ALPK2: variants seen among roughly 807,000 people sequenced by gnomAD.
ALPK2 encodes alpha kinase 2, also known as alpha-protein kinase 2.
Under a neutral mutation model 163.1 loss-of-function variants are expected in ALPK2, and 127 were observed. That is an observed-to-expected ratio of 0.78 (90% confidence interval 0.67 to 0.90). ALPK2 has a LOEUF of 0.90. Among genes scored for constraint, ALPK2 ranks in the 40% least tolerant of loss-of-function variants. The probability of loss-of-function intolerance (pLI) is 0.00; values close to 1 mark genes in which losing one functional copy is unlikely to be tolerated. For synonymous variants in ALPK2, 953 were observed against 959.1 expected (o/e 0.99, Z 0.12); for missense variants, 2,360 against 2,589.6 (o/e 0.91, Z 1.92).
chr18:58,523,688 C>A, intron 8 of ALPK2, 118 bp downstream of exon 8: 1 of 1,286,686 alleles, frequency 7.8e-7, no homozygotes, highest in Middle Eastern at 1.9e-4. Flanking sequence ...CACGCCATAG[C>A]TCTCCTTCTC....
At chr18:58,523,155 C>A (rs1426133376) in intron 8 of ALPK2, among the ~76,000 whole-genome samples, 2 of 144,924 alleles carry the variant, frequency 1.4e-5, no homozygotes, top group Admixed American at 1.4e-4. Context: ...TGAGTGAGAA[C>A]ATGCGGTGTT....
Position 58,535,734 on chromosome 18 carries a change from C to T in ALPK2, c.4453G>A (p.Glu1485Lys), listed in dbSNP as rs146029361. The T allele has an allele frequency of 6.2e-6, 10 of 1,614,102 alleles. No individual in the cohort carries two copies. The African/African-American group carries it at 8.0e-5, about 13-fold the overall frequency. Residue 1485 changes from glutamate to lysine, a missense_variant, in exon 5 of 13, where the codon GAG (glutamate) becomes AAG (lysine). Transcript: ENST00000361673. ...TGCCAAATGGCAGTTTTTGCCTCCT[C>T]AGGTTGAATTTGTTCAGCCTCCTGC... ...MKQEAEQIQP[E>K]EAKTAIWQVL...
intron 1 of ALPK2, among the ~76,000 whole-genome samples, chr18:58,625,631 T>G (rs1358232016): frequency 6.6e-6 from 1 of 152,186 alleles, no homozygotes; most frequent in Non-Finnish European, 1.5e-5. Context: ...CTCAGGAAGG[T>G]CTTAAACTAG....
At chr18:58,564,835 T>C (rs1368193933) in intron 4 of ALPK2, among the ~76,000 whole-genome samples, 1 of 152,160 alleles carries the variant, frequency 6.6e-6, no homozygotes, top group Non-Finnish European at 1.5e-5. Flanking sequence ...TCTTCCTTTT[T>C]TAAAAAAAAT....
At chr18:58,514,871 A>G (rs935513526) in intron 10 of ALPK2, 122 bp downstream of exon 10, 9 of 520,072 alleles carry the variant, frequency 1.7e-5, no homozygotes, top group Non-Finnish European at 2.7e-5. Context: ...GTGAGCCCTC[A>G]TGGAGCTTAC....
chr18:58,482,168 T>C, intron 12 of ALPK2, 129 bp from the exon 13 acceptor site: 1 of 688,994 alleles, frequency 1.5e-6, no homozygotes, highest in African/African-American at 1.8e-5. Flanking sequence ...TAGATAAGAA[T>C]GGCTGCAGGA....
chr18:58,622,022 TAAA>T (rs760708751), intron 1 of ALPK2, among the ~76,000 whole-genome samples: 2 of 134,070 alleles, frequency 1.5e-5, no homozygotes, highest in Non-Finnish European at 1.6e-5. Context: ...TGAGAGGGCT[TAAA>T]AAAAAAAAAA....
At chr18:58,598,644 C>T (rs1352463533) in intron 3 of ALPK2, among the ~76,000 whole-genome samples, 1 of 152,166 alleles carries the variant, frequency 6.6e-6, no homozygotes, top group East Asian at 1.9e-4. Context: ...AAGCCCTTCC[C>T]GGGACTCACA....
At chr18:58,495,030 C>T (rs1225536676) in intron 12 of ALPK2, among the ~76,000 whole-genome samples, 2 of 151,552 alleles carry the variant, frequency 1.3e-5, no homozygotes, top group Non-Finnish European at 2.9e-5. Context: ...AGCAAGCAGG[C>T]TGCCCCATGC....
intron 1 of ALPK2, among the ~76,000 whole-genome samples, chr18:58,625,061 T>C (rs1280091031): frequency 6.6e-6 from 1 of 152,192 alleles, no homozygotes; most frequent in Non-Finnish European, 1.5e-5. Context: ...TAGTTTGCTT[T>C]TCTGGATTTC....
chr18:58,593,358 G>C (rs577370071), intron 3 of ALPK2, among the ~76,000 whole-genome samples: 2 of 151,948 alleles, frequency 1.3e-5, no homozygotes, highest in Non-Finnish European at 2.9e-5. Context: ...GAGGTCAGGA[G>C]TTCAAGACCA....
intron 12 of ALPK2, among the ~76,000 whole-genome samples, chr18:58,487,118 G>A (rs568696509): frequency 1.6e-4 from 24 of 152,254 alleles, no homozygotes; most frequent in African/African-American, 5.3e-4. Flanking sequence ...CCAAAGTCAC[G>A]TCCTTCCCAG....
chr18:58,616,916 G>T (rs2052172766), intron 1 of ALPK2, among the ~76,000 whole-genome samples: 1 of 152,080 alleles, frequency 6.6e-6, no homozygotes, highest in South Asian at 2.1e-4. Flanking sequence ...TTGGGGGGTG[G>T]GTGAGGAGTA....
At chr18:58,554,898 T>C (rs1310644553) in intron 4 of ALPK2, among the ~76,000 whole-genome samples, 1 of 152,208 alleles carries the variant, frequency 6.6e-6, no homozygotes, top group Non-Finnish European at 1.5e-5. Flanking sequence ...CTCATGATAG[T>C]GAATAAGTCT....
chr18:58,582,130 C>T (rs9956862), intron 3 of ALPK2, among the ~76,000 whole-genome samples: 73,652 of 152,078 alleles, frequency 0.48, 17,905 homozygotes, highest in East Asian at 0.59. Flanking sequence ...ATGGCTGATA[C>T]TGGGCTTTGC....
At position 58,483,026 on chromosome 18, in the gene ALPK2, A is replaced by C. The variant is rs145034665; in HGVS notation, c.6297-987T>G. On this transcript the variant is annotated intron_variant, in intron 12 of 12. Coordinates refer to ENST00000361673, the MANE Select transcript of ALPK2 (RefSeq NM_052947.4). Reference sequence around the variant, plus strand: ...ATCCACAAATCCCATGTACACACTGAATCCAGTCACAGCTCCTCACAGAGT... The same window carrying C: ...ATCCACAAATCCCATGTACACACTGCATCCAGTCACAGCTCCTCACAGAGT... 1.2e-3 allele frequency among the ~76,000 whole-genome samples: 182 copies of C among 152,234 alleles called. No homozygotes were observed. The East Asian group carries it at 0.014, about 12-fold the overall frequency.
Position 58,538,075 on chromosome 18 carries a change from T to C in ALPK2, c.2112A>G (p.Leu704=). The C allele has an allele frequency of 6.2e-7, 1 of 1,614,214 alleles. No individual in the cohort carries two copies. The highest frequency in any genetic ancestry group is 8.5e-7 in the Non-Finnish European group (1 of 1,180,026). The change falls in exon 5 of 13, where the codon TTA becomes TTG. Residue 704 remains leucine (L), a synonymous_variant. Coordinates refer to ENST00000361673, the MANE Select transcript of ALPK2 (RefSeq NM_052947.4). ...LGGVHKENAS[L]AQHSEVKPCT... is the part of the protein sequence containing the mutation. ...AGGGTTTGACCTCCGAGTGTTGAGC[T>C]AATGATGCATTTTCCTTGTGGACCC...
At position 58,517,118 on chromosome 18, in the gene ALPK2, A is replaced by C; in HGVS notation, c.5730T>G (p.Phe1910Leu). 1 of 1,614,212 alleles carries C rather than the reference A, an allele frequency of 6.2e-7. No individual in the cohort carries two copies. Among genetic ancestry groups the C allele is most frequent in the Non-Finnish European group, 8.5e-7 (1 of 1,180,030 alleles). The change falls in exon 9 of 13, where the codon TTT becomes TTG. Residue 1910 changes from phenylalanine (F) to leucine (L), a missense_variant. Physicochemically the swap from Phe to Leu is conservative, Grantham distance 22. Transcript: ENST00000361673. ...FKEDFLHDSY[F>L]GGRLRGQIAT... is the part of the protein sequence containing the mutation. Reference sequence around the variant, plus strand: ...CGATCTGACCACGCAGGCGGCCCCCAAAGTAGCTGTCATGGAGGAAGTCTT... The same window carrying C: ...CGATCTGACCACGCAGGCGGCCCCCCAAGTAGCTGTCATGGAGGAAGTCTT...
chr18:58,588,748 C>G (rs909646836), intron 3 of ALPK2, among the ~76,000 whole-genome samples: 1 of 152,192 alleles, frequency 6.6e-6, no homozygotes, highest in Non-Finnish European at 1.5e-5. Context: ...ATCCATGTCC[C>G]TGCAGAGGAC....
Sources: allele counts gnomAD v4.1 joint callset (sites outside exome capture counted in the v4.1 genomes callset), GRCh38; gene constraint gnomAD v4.1.1; transcripts MANE v1.5; gene names NCBI Gene and HGNC (gene_info 2026-07-23, HGNC 2026-07-21).